The following DCAF8L2 variants were observed in gnomAD, a reference collection of about 807,000 sequenced individuals.
The protein encoded by DCAF8L2 is DDB1 and CUL4 associated factor 8 like 2, also known as DDB1- and CUL4-associated factor 8-like protein 2.
For synonymous variants in DCAF8L2, 200 were observed against 190.9 expected (o/e 1.05, Z -0.39); for missense variants, 430 against 490.7 (o/e 0.88, Z 1.17).
intron 2 of DCAF8L2, among the ~76,000 whole-genome samples, chrX:27,639,778 T>G (rs1296746508): frequency 9.0e-6 from 1 of 111,681 alleles, no homozygotes; most frequent in Non-Finnish European, 1.9e-5. Flanking sequence ...TAGCTGCCAC[T>G]TGGATGTCAA....
At chrX:27,527,801 A>G in the DCAF8L2 span, among the ~76,000 whole-genome samples, 1 of 108,207 alleles carries the variant, frequency 9.2e-6, no homozygotes, top group African/African-American at 3.4e-5. Context: ...ACAGGTGCCC[A>G]CCACCATGCC....
chrX:27,742,170 G>C (rs1345540697), intron 4 of DCAF8L2, among the ~76,000 whole-genome samples: 1 of 111,705 alleles, frequency 9.0e-6, no homozygotes, highest in African/African-American at 3.3e-5. Flanking sequence ...CTCAACTAGA[G>C]AAATCTCTCT....
rs146945333 is a variant in DCAF8L2 at position 27,650,038 on chromosome X, A to G, written c.-220+18038A>G. ...TGCATATGCCAGCTATCTCAGCACC[A>G]TTTATGGAATAGAGAGCACTTCCCT... is the stretch of plus-strand genomic sequence containing the variant. On this transcript the variant is annotated intron_variant, in intron 2 of 4. Coordinates refer to ENST00000451261, the MANE Select transcript of DCAF8L2 (RefSeq NM_001353450.2). 1.4e-3 allele frequency among the ~76,000 whole-genome samples: 152 copies of G among 111,685 alleles called. No homozygotes were observed. In the East Asian group the frequency reaches 0.023, roughly 17 times the overall value.
chrX:27,506,957 T>A, the DCAF8L2 span, among the ~76,000 whole-genome samples: 24,581 of 110,638 alleles, frequency 0.22, 2,584 homozygotes, highest in African/African-American at 0.39. Flanking sequence ...GACACAATTC[T>A]TCCTATGACA....
At chrX:27,531,251 G>A in the DCAF8L2 span, among the ~76,000 whole-genome samples, 4 of 111,311 alleles carry the variant, frequency 3.6e-5, no homozygotes, top group African/African-American at 9.8e-5. Context: ...TGTCTTACAT[G>A]GCAGCAGGCA....
At chrX:27,658,005 G>T (rs1042649464) in intron 2 of DCAF8L2, among the ~76,000 whole-genome samples, 1 of 112,334 alleles carries the variant, frequency 8.9e-6, no homozygotes, top group Non-Finnish European at 1.9e-5. Context: ...CCCCTAATCC[G>T]TGCATTTTTT....
intron 3 of DCAF8L2, chrX:27,712,480 C>A (rs1377076413): frequency 8.9e-6 from 1 of 111,990 alleles, no homozygotes; most frequent in African/African-American, 3.3e-5. Flanking sequence ...GTTTTCCCTA[C>A]ATATGCATGT....
chrX:27,682,970 T>C (rs1930378606), intron 3 of DCAF8L2, among the ~76,000 whole-genome samples: 1 of 110,812 alleles, frequency 9.0e-6, no homozygotes, highest in African/African-American at 3.3e-5. Flanking sequence ...ATTACAATGA[T>C]ACCCAGCCAC....
At chrX:27,590,574 C>T (rs757191644) in intron 1 of DCAF8L2, 134 bp downstream of exon 1, 30 of 111,033 alleles carry the variant, frequency 2.7e-4, no homozygotes, top group African/African-American at 9.8e-4. Flanking sequence ...TAATACTGAG[C>T]GGAAATAGTC....
intron 4 of DCAF8L2, among the ~76,000 whole-genome samples, chrX:27,735,123 T>C (rs1921448422): frequency 8.9e-6 from 1 of 111,762 alleles, no homozygotes; most frequent in Non-Finnish European, 1.9e-5. Flanking sequence ...GAAAAACAAA[T>C]AGAGTAATTA....
At chrX:27,694,297 A>C (rs776024351) in intron 3 of DCAF8L2, among the ~76,000 whole-genome samples, 40 of 111,409 alleles carry the variant, frequency 3.6e-4, no homozygotes, top group African/African-American at 1.3e-3. Flanking sequence ...CTCAAACCTC[A>C]GCATCACGCA....
At chrX:27,650,026 T>TATGAG (rs1929092805) in intron 2 of DCAF8L2, among the ~76,000 whole-genome samples, 1 of 111,445 alleles carries the variant, frequency 9.0e-6, no homozygotes, top group East Asian at 2.8e-4. Context: ...ATATGCCAGC[T>TATGAG]ATCTCAGCAC....
chrX:27,502,145 AC>A, the DCAF8L2 span, among the ~76,000 whole-genome samples: 414 of 102,556 alleles, frequency 4.0e-3, 1 homozygote, highest in African/African-American at 0.014. Context: ...ACAAGGTGAA[AC>A]CCCTTCTCTA....
chrX:27,657,342 T>G (rs1228413878), intron 2 of DCAF8L2, among the ~76,000 whole-genome samples: 1 of 111,493 alleles, frequency 9.0e-6, no homozygotes, highest in Non-Finnish European at 1.9e-5. Flanking sequence ...ACAGTCATCA[T>G]TTCATTTGAT....
the DCAF8L2 span, among the ~76,000 whole-genome samples, chrX:27,544,304 A>G: frequency 8.9e-6 from 1 of 111,963 alleles, no homozygotes; most frequent in Non-Finnish European, 1.9e-5. Flanking sequence ...TTGAGTTCTT[A>G]TATTTTGTAT....
the DCAF8L2 span, among the ~76,000 whole-genome samples, chrX:27,545,383 A>G: frequency 8.9e-6 from 1 of 112,315 alleles, no homozygotes; most frequent in East Asian, 2.8e-4. Flanking sequence ...ACAAAAGAAT[A>G]TGCTATACCC....
chrX:27,681,072 A>G (rs776572211), intron 3 of DCAF8L2, among the ~76,000 whole-genome samples: 6 of 111,630 alleles, frequency 5.4e-5, no homozygotes, highest in Non-Finnish European at 1.1e-4. Context: ...GTAGATATCT[A>G]TAGGTTGGCT....
chrX:27,597,823 C>G (rs1419895190), intron 1 of DCAF8L2, among the ~76,000 whole-genome samples: 1 of 112,061 alleles, frequency 8.9e-6, no homozygotes, highest in Non-Finnish European at 1.9e-5. Context: ...CTACTTAGGT[C>G]AGAAAGTTTG....
At chrX:27,483,442 G>A in the DCAF8L2 span, among the ~76,000 whole-genome samples, 9,646 of 111,679 alleles carry the variant, frequency 0.086, 981 homozygotes, top group African/African-American at 0.3. Flanking sequence ...AATGGCTTAA[G>A]TAGCAAAAAA....
Sources: allele counts gnomAD v4.1 joint callset (sites outside exome capture counted in the v4.1 genomes callset), GRCh38; gene constraint gnomAD v4.1.1; transcripts MANE v1.5; gene names NCBI Gene and HGNC (gene_info 2026-07-23, HGNC 2026-07-21).